Variants in ASTN2 observed in about 807,000 individuals in gnomAD.
The protein encoded by ASTN2 is astrotactin-2.
Under a neutral mutation model 139.8 loss-of-function variants are expected in ASTN2, and 54 were observed. The observed-to-expected ratio is 0.39, with a 90% CI of 0.31 to 0.48. ASTN2 has a LOEUF of 0.48. Among genes scored for constraint, ASTN2 ranks in the 20% least tolerant of loss-of-function variants. ASTN2 has a pLI of 0.95. For synonymous variants in ASTN2, 756 were observed against 719.5 expected, an observed-to-expected ratio of 1.05 and a Z score of -0.81; for missense variants, 1,565 against 1,725.1, an observed-to-expected ratio of 0.91 and a Z score of 1.64.
chr9:117,057,867 A>G (rs1005147203), intron 5 of ASTN2, among the ~76,000 whole-genome samples: 4 of 152,166 alleles, frequency 2.6e-5, no homozygotes, highest in African/African-American at 7.2e-5. Flanking sequence ...TTTTTGTAGT[A>G]TCAGGTTCCT....
chr9:117,080,464 G>C (rs572699560), intron 5 of ASTN2, among the ~76,000 whole-genome samples: 1 of 152,062 alleles, frequency 6.6e-6, no homozygotes, highest in South Asian at 2.1e-4. Flanking sequence ...CAGTGTCACA[G>C]AAAAAATATG....
chr9:116,959,621 G>A (rs1488852518), intron 10 of ASTN2, among the ~76,000 whole-genome samples: 1 of 152,024 alleles, frequency 6.6e-6, no homozygotes, highest in Non-Finnish European at 1.5e-5. Context: ...ACATGCAGAC[G>A]CTCAACACTG....
chr9:116,737,940 C>G (rs1046166681), intron 13 of ASTN2, among the ~76,000 whole-genome samples: 16 of 152,172 alleles, frequency 1.1e-4, no homozygotes, highest in African/African-American at 3.6e-4. Context: ...CGCCTGTAAT[C>G]CCAGCACTTT....
chr9:116,648,991 G>A (rs563511111), intron 17 of ASTN2, among the ~76,000 whole-genome samples: 9 of 151,930 alleles, frequency 5.9e-5, no homozygotes, highest in East Asian at 5.9e-4. Flanking sequence ...CCAAGATTGC[G>A]CCACTGCACC....
chr9:116,556,628 G>C (rs1427932847), intron 19 of ASTN2, among the ~76,000 whole-genome samples: 1 of 152,178 alleles, frequency 6.6e-6, no homozygotes, highest in Non-Finnish European at 1.5e-5. Flanking sequence ...AAAGTGAAAA[G>C]AGGTTGACAA....
rs553673301 is a variant in ASTN2, at chr9:116,748,036, G to A, written c.2397-14513C>T. 4.6e-5 allele frequency among the ~76,000 whole-genome samples: 7 copies of A among 152,112 alleles called. 1 individual carries two copies. The South Asian group carries it at 1.5e-3, about 32-fold the overall frequency. Reference sequence around the variant, plus strand: ...GAACAAGCTGAGCTGCTGTCACCAGGGCCTCTTCCAGAACTTTCCCCTCCA... The same window carrying A: ...GAACAAGCTGAGCTGCTGTCACCAGAGCCTCTTCCAGAACTTTCCCCTCCA... On this transcript the variant is annotated intron_variant, in intron 13 of 22. Transcript: ENST00000313400.
chr9:117,403,499 C>T (rs1830895715), intron 1 of ASTN2, among the ~76,000 whole-genome samples: 1 of 152,182 alleles, frequency 6.6e-6, no homozygotes, highest in African/African-American at 2.4e-5. Flanking sequence ...CAGCTCTGTG[C>T]AAGTAGACCA....
chr9:116,435,198 T>C (rs1847613380), intron 22 of ASTN2, among the ~76,000 whole-genome samples: 1 of 152,182 alleles, frequency 6.6e-6, no homozygotes, highest in Non-Finnish European at 1.5e-5. Context: ...CCCTTTCATG[T>C]TACAAACAAG....
intron 16 of ASTN2, among the ~76,000 whole-genome samples, chr9:116,714,288 C>T (rs1710741977): frequency 6.6e-6 from 1 of 152,064 alleles, no homozygotes; most frequent in South Asian, 2.1e-4. Context: ...ACAGATTAGC[C>T]AGGGAGAAAC....
intron 10 of ASTN2, among the ~76,000 whole-genome samples, chr9:116,911,687 G>A (rs1274427288): frequency 2.0e-5 from 3 of 152,128 alleles, no homozygotes; most frequent in African/African-American, 4.8e-5. Flanking sequence ...GGCGGATCAC[G>A]AGGTCAGGAG....
intron 13 of ASTN2, among the ~76,000 whole-genome samples, chr9:116,802,828 C>A (rs1830898678): frequency 6.6e-6 from 1 of 152,242 alleles, no homozygotes; most frequent in African/African-American, 2.4e-5. Flanking sequence ...TGACTCCCAC[C>A]CTTGCTTATC....
intron 1 of ASTN2, among the ~76,000 whole-genome samples, chr9:117,359,091 A>G (rs113339453): frequency 3.9e-5 from 6 of 152,150 alleles, no homozygotes; most frequent in African/African-American, 1.4e-4. Context: ...CATAGATTCA[A>G]CATAAAACAG....
intron 19 of ASTN2, among the ~76,000 whole-genome samples, chr9:116,511,582 G>A (rs1240713607): frequency 2.0e-5 from 3 of 152,060 alleles, no homozygotes; most frequent in Non-Finnish European, 4.4e-5. Context: ...GGAATGGTAC[G>A]AGCTCTGCCT....
intron 10 of ASTN2, among the ~76,000 whole-genome samples, chr9:116,909,481 G>A (rs2132418220): frequency 6.6e-6 from 1 of 152,186 alleles, no homozygotes; most frequent in South Asian, 2.1e-4. Flanking sequence ...GAAAACTGTG[G>A]GAGAAACAGG....
At chr9:116,775,550 G>A (rs1179128464) in intron 13 of ASTN2, among the ~76,000 whole-genome samples, 1 of 114,652 alleles carries the variant, frequency 8.7e-6, no homozygotes, top group Non-Finnish European at 1.8e-5. Context: ...GGAGGGGAGG[G>A]GAGGGGATGG....
chr9:116,470,191 G>A (rs565280143), intron 20 of ASTN2, among the ~76,000 whole-genome samples: 89 of 152,088 alleles, frequency 5.9e-4, no homozygotes, highest in African/African-American at 2.0e-3. Context: ...GTGACAGAGC[G>A]AGACACCATA....
chr9:116,855,457 C>T (rs1039065679), intron 11 of ASTN2, among the ~76,000 whole-genome samples: 1 of 152,178 alleles, frequency 6.6e-6, no homozygotes, highest in South Asian at 2.1e-4. Flanking sequence ...CAATACAGTT[C>T]CAATTTCCTT....
intron 16 of ASTN2, among the ~76,000 whole-genome samples, chr9:116,719,651 T>G (rs1436314369): frequency 1.3e-5 from 2 of 151,974 alleles, no homozygotes; most frequent in Admixed American, 6.6e-5. Flanking sequence ...AACTCATCAG[T>G]GTGGGGATTA....
At chr9:117,233,823 CATT>C (rs1266841014) in intron 2 of ASTN2, among the ~76,000 whole-genome samples, 2 of 152,166 alleles carry the variant, frequency 1.3e-5, no homozygotes, top group Non-Finnish European at 1.5e-5. Context: ...TATCAATGCT[CATT>C]GAGTGTAACA....
Sources: gnomAD v4.1 joint callset for allele counts (sites outside exome capture counted in the v4.1 genomes callset) on GRCh38, gnomAD v4.1.1 for gene constraint, MANE v1.5 for transcripts, NCBI Gene and HGNC (gene_info 2026-07-23, HGNC 2026-07-21) for gene names.